Variants in AGMO observed in about 807,000 individuals in gnomAD.
AGMO encodes the protein glyceryl-ether monooxygenase.
In AGMO, 75 loss-of-function variants were observed where a neutral mutation model predicts 60.2. The ratio of observed to expected loss-of-function variants is 1.25; its 90% CI spans 1.03 to 1.51. AGMO has a LOEUF of 1.51. Among genes scored for constraint, AGMO ranks in the 40% most tolerant of loss-of-function variants. The probability of loss-of-function intolerance (pLI) is 0.00; values close to 1 mark genes in which losing one functional copy is unlikely to be tolerated. For synonymous variants in AGMO, 261 were observed against 177.1 expected (o/e 1.47, Z -3.76); for missense variants, 763 against 525.5 (o/e 1.45, Z -4.42).
chr7:15,162,081 T>G, the AGMO span, among the ~76,000 whole-genome samples: 9 of 152,154 alleles, frequency 5.9e-5, no homozygotes, highest in Non-Finnish European at 1.0e-4. Flanking sequence ...TACCTTGAGA[T>G]CTGATGGTTT....
rs1451046345 is a variant in AGMO, at chr7:15,258,200, CTT to C, written c.1264-56843_1264-56842del. Reference sequence around the variant, plus strand: ...CCAATATCTTAATACTTTTTTATGGCTTTCAATTTCAAAGCACACAATCTGAA... The same window carrying C: ...CCAATATCTTAATACTTTTTTATGGCTCAATTTCAAAGCACACAATCTGAA... On this transcript the variant is annotated intron_variant, in intron 12 of 12. Transcript: ENST00000342526. 2.6e-5 allele frequency among the ~76,000 whole-genome samples: 4 copies of C among 152,078 alleles called. No homozygotes were observed. The East Asian group carries it at 7.7e-4, about 29-fold the overall frequency.
intron 3 of AGMO, among the ~76,000 whole-genome samples, chr7:15,466,049 A>G (rs1245705266): frequency 2.0e-5 from 3 of 152,196 alleles, no homozygotes; most frequent in Non-Finnish European, 4.4e-5. Context: ...AGTGAATAAA[A>G]GGGACCAAAA....
At chr7:15,527,787 A>G (rs1784164633) in intron 3 of AGMO, among the ~76,000 whole-genome samples, 2 of 152,128 alleles carry the variant, frequency 1.3e-5, no homozygotes, top group Non-Finnish European at 2.9e-5. Context: ...ACCATTCCAA[A>G]TATTGCAGGG....
intron 12 of AGMO, among the ~76,000 whole-genome samples, chr7:15,299,957 T>A (rs1209093050): frequency 6.6e-6 from 1 of 151,772 alleles, no homozygotes; most frequent in Non-Finnish European, 1.5e-5. Flanking sequence ...ACAGACTATA[T>A]GGGCAAATAG....
chr7:15,369,576 T>C (rs751306866), intron 10 of AGMO, among the ~76,000 whole-genome samples: 9 of 152,102 alleles, frequency 5.9e-5, no homozygotes, highest in Non-Finnish European at 1.0e-4. Flanking sequence ...TTCAAATACA[T>C]GTCCTTGTCC....
intron 10 of AGMO, among the ~76,000 whole-genome samples, chr7:15,373,413 T>C (rs556266281): frequency 1.3e-5 from 2 of 152,162 alleles, no homozygotes; most frequent in East Asian, 3.9e-4. Flanking sequence ...GGGAAAAAAA[T>C]ACTTAGGAAA....
chr7:15,293,770 A>T (rs956859897), intron 12 of AGMO, among the ~76,000 whole-genome samples: 16 of 152,188 alleles, frequency 1.1e-4, no homozygotes, highest in Non-Finnish European at 1.3e-4. Flanking sequence ...TATTAAACTA[A>T]TATTTTATGC....
At chr7:15,504,157 G>A (rs1459843588) in intron 3 of AGMO, among the ~76,000 whole-genome samples, 3 of 151,900 alleles carry the variant, frequency 2.0e-5, no homozygotes, top group Non-Finnish European at 4.4e-5. Context: ...GTTTTTTAAA[G>A]GCAATGGTTA....
At chr7:15,342,426 T>G (rs1460178931) in intron 12 of AGMO, among the ~76,000 whole-genome samples, 1 of 152,052 alleles carries the variant, frequency 6.6e-6, no homozygotes, top group Non-Finnish European at 1.5e-5. Context: ...TATGTTCATC[T>G]TTAAAATCCG....
intron 3 of AGMO, among the ~76,000 whole-genome samples, chr7:15,532,332 G>T (rs547588010): frequency 6.6e-6 from 1 of 152,282 alleles, no homozygotes; most frequent in South Asian, 2.1e-4. Flanking sequence ...AAGCCCATAG[G>T]CTCTGAGATT....
chr7:15,298,134 C>T (rs1380286606), intron 12 of AGMO, among the ~76,000 whole-genome samples: 1 of 152,068 alleles, frequency 6.6e-6, no homozygotes, highest in African/African-American at 2.4e-5. Context: ...ATCTTTAAAA[C>T]TGAGAAACAG....
chr7:15,218,284 G>T (rs561455799), intron 12 of AGMO, among the ~76,000 whole-genome samples: 1 of 151,496 alleles, frequency 6.6e-6, no homozygotes, highest in Non-Finnish European at 1.5e-5. Context: ...TCTTCCTTCA[G>T]AGGAATGAGA....
intron 12 of AGMO, among the ~76,000 whole-genome samples, chr7:15,358,602 C>A (rs1361833430): frequency 1.3e-5 from 2 of 152,112 alleles, no homozygotes; most frequent in African/African-American, 4.8e-5. Context: ...ATAAAAAGAC[C>A]TTAAACTTCC....
At chr7:15,364,222 C>T (rs1562459921) in intron 12 of AGMO, among the ~76,000 whole-genome samples, 1 of 151,792 alleles carries the variant, frequency 6.6e-6, no homozygotes, top group Non-Finnish European at 1.5e-5. Context: ...TTCTTCCTTT[C>T]TTCTAACCAC....
chr7:15,193,560 A>G, the AGMO span, among the ~76,000 whole-genome samples: 1 of 152,162 alleles, frequency 6.6e-6, no homozygotes, highest in African/African-American at 2.4e-5. Flanking sequence ...CTCTTATTAT[A>G]TAATTTGTTC....
chr7:15,304,582 A>G (rs1240232840), intron 12 of AGMO, among the ~76,000 whole-genome samples: 2 of 152,142 alleles, frequency 1.3e-5, no homozygotes, highest in African/African-American at 2.4e-5. Context: ...TATTTGTAAT[A>G]AAAATCTTAT....
intron 4 of AGMO, among the ~76,000 whole-genome samples, chr7:15,419,009 A>G (rs975779125): frequency 6.6e-6 from 1 of 151,894 alleles, no homozygotes; most frequent in Non-Finnish European, 1.5e-5. Flanking sequence ...GTAGGAATGG[A>G]TGACTTTATA....
intron 3 of AGMO, among the ~76,000 whole-genome samples, chr7:15,446,453 A>G (rs1583560890): frequency 6.6e-6 from 1 of 152,186 alleles, no homozygotes; most frequent in African/African-American, 2.4e-5. Context: ...ATTTCCTACA[A>G]TGATGTCACA....
At position 15,437,786 on chromosome 7, in the gene AGMO, C is replaced by T. The variant is rs1048181287; in HGVS notation, c.410-6678G>A. On this transcript the variant is annotated intron_variant, in intron 3 of 12. Coordinates refer to ENST00000342526, the MANE Select transcript of AGMO (RefSeq NM_001004320.2). The stretch of plus-strand genomic sequence containing the variant: ...TGATCTCCTGACCTCGTGATCCGCC[C>T]GCCTCGGCCTCACAAAGTGCTGAGA... 7.9e-5 allele frequency among the ~76,000 whole-genome samples: 12 copies of T among 152,196 alleles called. No homozygotes were observed. The East Asian group carries it at 1.5e-3, about 20-fold the overall frequency.
Sources: gnomAD v4.1 joint callset for allele counts (sites outside exome capture counted in the v4.1 genomes callset) on GRCh38, gnomAD v4.1.1 for gene constraint, MANE v1.5 for transcripts, NCBI Gene and HGNC (gene_info 2026-07-23, HGNC 2026-07-21) for gene names.